DLC1: variants seen among roughly 807,000 people sequenced by gnomAD.
DLC1 encodes rho GTPase-activating protein 7.
Under a neutral mutation model 140.3 loss-of-function variants are expected in DLC1, and 54 were observed. The ratio of observed to expected loss-of-function variants is 0.38; its 90% confidence interval spans 0.31 to 0.48. The LOEUF is 0.48. Ranked by LOEUF, DLC1 falls within the 20% of genes least tolerant of loss-of-function variation. The pLI is 0.96. For missense variants in DLC1, 2,536 were observed against 1,907.0 expected (o/e 1.33, Z -6.14); for synonymous variants, 986 against 728.1 (o/e 1.35, Z -5.70).
At chr8:13,593,224 A>T (rs944923390) in intron 1 of DLC1, among the ~76,000 whole-genome samples, 2 of 152,062 alleles carry the variant, frequency 1.3e-5, no homozygotes, top group African/African-American at 4.8e-5. Context: ...CCTAATTCCA[A>T]ATGCATGGAT....
intron 2 of DLC1, among the ~76,000 whole-genome samples, chr8:13,410,464 A>G (rs189658948): frequency 2.6e-3 from 392 of 152,292 alleles, no homozygotes; most frequent in African/African-American, 9.1e-3. Flanking sequence ...AGAGAATAAT[A>G]CGAAAATCTG....
chr8:13,181,837 T>C (rs1009749840), intron 5 of DLC1, among the ~76,000 whole-genome samples: 9 of 152,228 alleles, frequency 5.9e-5, no homozygotes, highest in African/African-American at 2.2e-4. Flanking sequence ...TTTATAATCC[T>C]TTGGGTATAT....
intron 1 of DLC1, among the ~76,000 whole-genome samples, chr8:13,530,958 A>C (rs931841147): frequency 6.6e-6 from 1 of 152,256 alleles, no homozygotes; most frequent in East Asian, 1.9e-4. Context: ...ATGTGATGGT[A>C]TTTGGAGATG....
chr8:13,156,254 T>C (rs769363608), intron 5 of DLC1, among the ~76,000 whole-genome samples: 33 of 152,332 alleles, frequency 2.2e-4, no homozygotes, highest in Non-Finnish European at 4.0e-4. Context: ...ATAGCAACTT[T>C]CTGCCATGAA....
intron 1 of DLC1, among the ~76,000 whole-genome samples, chr8:13,527,589 G>C (rs1179156103): frequency 6.6e-6 from 1 of 151,968 alleles, no homozygotes. Context: ...ATTATGGTTG[G>C]AGAACCTACT....
At chr8:13,389,319 A>C (rs1414964838) in intron 4 of DLC1, among the ~76,000 whole-genome samples, 1 of 152,146 alleles carries the variant, frequency 6.6e-6, no homozygotes, top group Non-Finnish European at 1.5e-5. Flanking sequence ...TACCAGGAAC[A>C]ACTCAAGCCA....
intron 1 of DLC1, among the ~76,000 whole-genome samples, chr8:13,590,748 C>T (rs749616311): frequency 6.6e-6 from 1 of 151,976 alleles, no homozygotes; most frequent in Non-Finnish European, 1.5e-5. Flanking sequence ...AGCTTCATGC[C>T]TAATTATGCC....
chr8:13,458,474 C>T (rs1454953), intron 2 of DLC1, among the ~76,000 whole-genome samples: 31,282 of 151,974 alleles, frequency 0.21, 4,850 homozygotes, highest in African/African-American at 0.43. Context: ...AATGTTCTAA[C>T]ATAGAGTGAG....
rs146261206 is a variant in DLC1 at position 13,417,634 on chromosome 8, A to T, written c.1024-16015T>A. ...ATTGTTGGACATTTGTGTTGGTTCC[A>T]AGTCTTTGCTATTGTGAATAGTGCC... On this transcript the variant is annotated intron_variant, in intron 2 of 17. Transcript: ENST00000276297. Among the ~76,000 whole-genome samples the T allele has an allele frequency of 8.9e-3, 1,356 of 152,104 alleles. 23 individuals are homozygous for T. Among genetic ancestry groups the T allele is most frequent in the African/African-American group, 0.031 (1,304 of 41,460 alleles).
At chr8:13,334,728 G>T (rs753922022) in intron 4 of DLC1, among the ~76,000 whole-genome samples, 1 of 152,186 alleles carries the variant, frequency 6.6e-6, no homozygotes, top group Non-Finnish European at 1.5e-5. Flanking sequence ...TGAAAATCTG[G>T]TGTATCAGAA....
intron 1 of DLC1, chr8:13,567,477 T>C (rs560429915): frequency 1.3e-6 from 2 of 1,552,056 alleles, no homozygotes; most frequent in African/African-American, 1.4e-5. Flanking sequence ...CAGAGAGAGA[T>C]GCCTTTAGTT....
intron 2 of DLC1, among the ~76,000 whole-genome samples, chr8:13,468,017 C>T (rs906047046): frequency 2.0e-5 from 3 of 152,110 alleles, no homozygotes; most frequent in Admixed American, 6.5e-5. Flanking sequence ...TCGTTCTTTT[C>T]TTTCTCTAGA....
At chr8:13,495,240 C>G (rs1035480609) in intron 2 of DLC1, among the ~76,000 whole-genome samples, 1 of 152,176 alleles carries the variant, frequency 6.6e-6, no homozygotes, top group Non-Finnish European at 1.5e-5. Flanking sequence ...ATTTTGTACT[C>G]TCTCTAATTA....
intron 3 of DLC1, among the ~76,000 whole-genome samples, chr8:13,398,955 G>A (rs898515473): frequency 2.0e-5 from 3 of 152,134 alleles, no homozygotes; most frequent in African/African-American, 7.2e-5. Flanking sequence ...AAGAGGTAAG[G>A]ATGCTAAGAG....
chr8:13,560,118 C>G (rs1027288784), intron 1 of DLC1, among the ~76,000 whole-genome samples: 1 of 152,174 alleles, frequency 6.6e-6, no homozygotes, highest in African/African-American at 2.4e-5. Context: ...TGCTTTGCTA[C>G]TCTTAAATAT....
At chr8:13,513,509 C>T (rs1802468126) in intron 1 of DLC1, among the ~76,000 whole-genome samples, 1 of 152,034 alleles carries the variant, frequency 6.6e-6, no homozygotes, top group African/African-American at 2.4e-5. Context: ...TATGATCCAA[C>T]TGTCAAAATA....
chr8:13,519,780 GA>G (rs1288824576), upstream of DLC1, among the ~76,000 whole-genome samples: 2 of 151,858 alleles, frequency 1.3e-5, no homozygotes, highest in African/African-American at 4.8e-5. Context: ...AAATTTACAA[GA>G]AAAAAACAAC....
intron 4 of DLC1, among the ~76,000 whole-genome samples, chr8:13,364,798 CAT>C (rs1187388168): frequency 6.6e-6 from 1 of 152,128 alleles, no homozygotes; most frequent in African/African-American, 2.4e-5. Flanking sequence ...TTAGTAAAAA[CAT>C]GTATATTTTA....
intron 1 of DLC1, among the ~76,000 whole-genome samples, chr8:13,560,893 C>A (rs961494177): frequency 1.2e-4 from 19 of 152,004 alleles, no homozygotes; most frequent in African/African-American, 4.4e-4. Context: ...CCCTCACAAC[C>A]CTCAGAAGGA....
Sources: gnomAD v4.1 joint callset for allele counts (sites outside exome capture counted in the v4.1 genomes callset) on GRCh38, gnomAD v4.1.1 for gene constraint, MANE v1.5 for transcripts, NCBI Gene and HGNC (gene_info 2026-07-23, HGNC 2026-07-21) for gene names.